The following SGF29 variants were observed in gnomAD, a reference collection of about 807,000 sequenced individuals.
The protein encoded by SGF29 is SAGA complex associated factor 29.
A neutral mutation model predicts 38.1 loss-of-function variants in SGF29; 15 were observed. The observed-to-expected ratio is 0.39, with a 90% confidence interval of 0.26 to 0.61. SGF29 has a LOEUF of 0.61. SGF29 is among the 20% of genes least tolerant of loss of function. The probability of loss-of-function intolerance (pLI) is 0.49; values close to 1 mark genes in which losing one functional copy is unlikely to be tolerated. For missense variants in SGF29, 184 were observed against 394.6 expected (o/e 0.47, Z 4.52); for synonymous variants, 151 against 160.8 (o/e 0.94, Z 0.46).
Position 28,590,239 on chromosome 16 carries a change from C to T in SGF29, c.419+14C>T. 2 of 1,610,142 alleles carry T rather than the reference C, an allele frequency of 1.2e-6. No individual in the cohort carries two copies. The highest frequency in any genetic ancestry group is 1.1e-5 in the South Asian group (1 of 90,226). On this transcript the variant is annotated intron_variant, in intron 6 of 9. Transcript: ENST00000317058. The surrounding 1 kb of genome is among the most constrained non-coding windows in gnomAD (Gnocchi z 8.2). Reference sequence around the variant, plus strand: ...GCCTGGTGACAAGTGAGGGCAGCAGCTGCGAGGGAGGGGCTGGTGCCCAGG... The same window carrying T: ...GCCTGGTGACAAGTGAGGGCAGCAGTTGCGAGGGAGGGGCTGGTGCCCAGG...
chr16:28,572,560 C>T (rs1339903561), intron 1 of SGF29, among the ~76,000 whole-genome samples: 1 of 152,190 alleles, frequency 6.6e-6, no homozygotes, highest in Non-Finnish European at 1.5e-5. Context: ...TGAGCCACTG[C>T]GCCCGGTAGA....
rs553181822 is a variant in SGF29 at position 28,556,054 on chromosome 16, G to A, written c.-16+1957G>A. Among the ~76,000 whole-genome samples, 239 of 152,220 alleles carry A rather than the reference G, an allele frequency of 1.6e-3. 2 individuals carry two copies. The highest frequency in any genetic ancestry group is 2.9e-4 in the Non-Finnish European group (20 of 68,022). On this transcript the variant is annotated intron_variant, in intron 1 of 9. Transcript: ENST00000317058. ...TACTATTCTGTTATCTATTTTATAG[G>A]ATTGCTGTAAGGTTTAAATGAGAAA...
At chr16:28,574,476 G>A (rs551992238) in intron 1 of SGF29, among the ~76,000 whole-genome samples, 2 of 152,322 alleles carry the variant, frequency 1.3e-5, no homozygotes, top group Non-Finnish European at 2.9e-5. Flanking sequence ...TCAGGAAGGT[G>A]CGTCTCCTTG....
Position 28,568,313 on chromosome 16 carries a change from CAAAAAAAAAAA to C in SGF29, c.-15-12728_-15-12718del, listed in dbSNP as rs148414167. On this transcript the variant is annotated intron_variant, in intron 1 of 9. Transcript: ENST00000317058. ...GGGCAGCAAGAGCAAAACTCCATCT[CAAAAAAAAAAA>C]AAAAAAAAAAAAAGTTGTTTGACAG... Among the ~76,000 whole-genome samples the C allele has an allele frequency of 1.5e-4, 8 of 54,284 alleles. No homozygotes were observed. The East Asian group carries it at 3.9e-3, about 27-fold the overall frequency. The allele number at this position is 54,284 out of a possible 152,430, so 35.6% of individuals were successfully genotyped here.
At chr16:28,589,388 GC>G (rs1439046684) in intron 5 of SGF29, 2 of 533,924 alleles carry the variant, frequency 3.7e-6, no homozygotes, top group African/African-American at 3.8e-5. Context: ...AGATCATCCC[GC>G]CCTGGCCCCT....
At chr16:28,556,354 T>C (rs2151639917) in intron 1 of SGF29, among the ~76,000 whole-genome samples, 1 of 152,022 alleles carries the variant, frequency 6.6e-6, no homozygotes, top group African/African-American at 2.4e-5. Flanking sequence ...TTTGTTTGTT[T>C]GTTTGTTTTG....
chr16:28,580,377 A>G (rs1483076325), intron 1 of SGF29, among the ~76,000 whole-genome samples: 2 of 152,158 alleles, frequency 1.3e-5, no homozygotes, highest in South Asian at 2.1e-4. Flanking sequence ...TTCCAAAATC[A>G]AGATGTCAGC....
At position 28,591,785 on chromosome 16, in the gene SGF29, C is replaced by T; in HGVS notation, c.*79C>T. ...ACGTGCTGGGATTAAACACATTCCC[C>T]CTCTACTCGTCTCCTGGGTTTTACT... On this transcript the variant is annotated 3_prime_UTR_variant, in exon 10 of 10. Coordinates refer to ENST00000317058, the MANE Select transcript of SGF29 (RefSeq NM_138414.3). The T allele has an allele frequency of 1.5e-6, 2 of 1,310,148 alleles. No individual in the cohort carries two copies. Among genetic ancestry groups the T allele is most frequent in the Non-Finnish European group, 2.2e-6 (2 of 918,236 alleles). The allele number at this position is 1,310,148 out of a possible 1,614,324, so 81.2% of individuals were successfully genotyped here.
At chr16:28,588,627 C>T (rs955588535) in intron 4 of SGF29, 8 of 430,984 alleles carry the variant, frequency 1.9e-5, no homozygotes, top group Admixed American at 8.2e-5. Flanking sequence ...TGCAATGACG[C>T]GATCTCGGTT....
chr16:28,560,247 T>C (rs2046778632), intron 1 of SGF29, among the ~76,000 whole-genome samples: 1 of 146,940 alleles, frequency 6.8e-6, no homozygotes, highest in Non-Finnish European at 1.5e-5. Flanking sequence ...ACGAAAATTT[T>C]AAAATATATT....
intron 9 of SGF29, 143 bp downstream of exon 9, chr16:28,591,078 T>G: frequency 1.8e-6 from 2 of 1,094,732 alleles, no homozygotes; most frequent in South Asian, 1.7e-5. Context: ...GCCCTCCCTC[T>G]TCCACTCCAG....
At chr16:28,582,954 A>G (rs1479548935) in intron 2 of SGF29, among the ~76,000 whole-genome samples, 1 of 152,180 alleles carries the variant, frequency 6.6e-6, no homozygotes, top group Non-Finnish European at 1.5e-5. Flanking sequence ...AAATAAAGGA[A>G]AAAAAAGATA....
intron 1 of SGF29, among the ~76,000 whole-genome samples, chr16:28,571,113 G>A (rs533181284): frequency 5.3e-5 from 8 of 152,226 alleles, no homozygotes; most frequent in African/African-American, 1.7e-4. Context: ...AAGTGATTAG[G>A]CTGTGAGGAT....
chr16:28,556,685 AC>A (rs1210351918), intron 1 of SGF29, among the ~76,000 whole-genome samples: 1 of 151,386 alleles, frequency 6.6e-6, no homozygotes, highest in Non-Finnish European at 1.5e-5. Flanking sequence ...TTACTCTGTC[AC>A]CCAGGCTGGA....
intron 1 of SGF29, among the ~76,000 whole-genome samples, chr16:28,577,658 T>C (rs1017653782): frequency 2.0e-5 from 3 of 152,218 alleles, no homozygotes; most frequent in Non-Finnish European, 4.4e-5. Flanking sequence ...CTTGTCTCTT[T>C]TTTATTGTAG....
chr16:28,564,222 A>G (rs1262332286), intron 1 of SGF29, among the ~76,000 whole-genome samples: 1 of 151,940 alleles, frequency 6.6e-6, no homozygotes, highest in Non-Finnish European at 1.5e-5. Context: ...GCGGGACTGG[A>G]AGTGTGAGCA....
intron 1 of SGF29, among the ~76,000 whole-genome samples, chr16:28,576,034 AGTGGGAATGCACATTGCAG>A (rs2046890713): frequency 6.6e-6 from 1 of 152,232 alleles, no homozygotes; most frequent in Non-Finnish European, 1.5e-5. Flanking sequence ...GCAAATGCAG[AGTGGGAATGCACATTGCAG>A]GTGGGAATGT....
Position 28,565,395 on chromosome 16 carries a change from G to A in SGF29, c.-16+11298G>A, listed in dbSNP as rs1017998828. On this transcript the variant is annotated intron_variant, in intron 1 of 9. Transcript: ENST00000317058. ...GCTTTGAGGTGCAGTATGTAAGCAG[G>A]TGTGCAGTGCAGCAGAAAGGTCCAG... 5.9e-5 allele frequency among the ~76,000 whole-genome samples: 9 copies of A among 152,182 alleles called. No individual in the cohort carries two copies. In the East Asian group the frequency reaches 1.7e-3, roughly 29 times the overall value.
intron 4 of SGF29, among the ~76,000 whole-genome samples, chr16:28,586,197 CCTGAAGGTTTTATGGTT>C (rs1222690088): frequency 6.6e-6 from 1 of 151,944 alleles, no homozygotes. Context: ...ACTCAGATGA[CCTGAAGGTTTTATGGTT>C]CTGAGATGGA....
Sources: gnomAD v4.1 joint callset for allele counts (sites outside exome capture counted in the v4.1 genomes callset) on GRCh38, gnomAD v4.1.1 for gene constraint, Gnocchi (gnomAD v3.1) non-coding constraint, MANE v1.5 for transcripts, NCBI Gene and HGNC (gene_info 2026-07-23, HGNC 2026-07-21) for gene names.